Variants in GRIK2 observed in about 807,000 individuals in gnomAD.
GRIK2 encodes the protein glutamate ionotropic receptor kainate type subunit 2, also known as glutamate receptor ionotropic, kainate 2.
A neutral mutation model predicts 100.3 loss-of-function variants in GRIK2; 32 were observed. The observed-to-expected ratio is 0.32, with a 90% CI of 0.24 to 0.43. GRIK2 has a LOEUF of 0.43. Ranked by LOEUF, GRIK2 falls within the 20% of genes least tolerant of loss-of-function variation. GRIK2 has a pLI of 1.00. For missense variants in GRIK2, 843 were observed against 1,114.9 expected, an observed-to-expected ratio of 0.76 and a Z score of 3.47; for synonymous variants, 417 against 389.4, an observed-to-expected ratio of 1.07 and a Z score of -0.83.
rs1238391467 is a variant in GRIK2, at chr6:101,928,571, C to T, written c.2024C>T (p.Ala675Val). The T allele has an allele frequency of 1.9e-6, 3 of 1,608,706 alleles. No homozygotes were observed. The highest frequency in any genetic ancestry group is 2.6e-6 in the Non-Finnish European group (3 of 1,175,130). ...CCTATTGACTCTGCTGATGATTTAG[C>T]TAAACAAACCAAGATAGAATATGGA... is the stretch of plus-strand genomic sequence containing the variant. ...ESPIDSADDL[A>V]KQTKIEYGAV... is the part of the protein sequence containing the mutation. The change falls in exon 14 of 17, where the codon GCT becomes GTT. Residue 675 changes from alanine to valine, a missense_variant. Physicochemically the swap from Ala to Val is moderately conservative, Grantham distance 64. Around this residue, in one of 3 missense-constraint regions of GRIK2, gnomAD observed 237 missense variants for 388.0 expected, o/e 0.61. Coordinates refer to ENST00000369134, the MANE Select transcript of GRIK2 (RefSeq NM_021956.5).
intron 2 of GRIK2, among the ~76,000 whole-genome samples, chr6:101,506,425 TATTTA>T (rs2128276267): frequency 6.6e-6 from 1 of 152,300 alleles, no homozygotes; most frequent in South Asian, 2.1e-4. Context: ...GTGCCAAACA[TATTTA>T]ATTTAAATGG....
At chr6:101,822,103 GAAT>G (rs1241580218) in intron 10 of GRIK2, among the ~76,000 whole-genome samples, 1 of 151,222 alleles carries the variant, frequency 6.6e-6, no homozygotes, top group East Asian at 1.9e-4. Flanking sequence ...AATATGTATT[GAAT>G]AATAATGATA....
rs1228059105 is a variant in GRIK2, at chr6:101,676,896, A to G, written c.723+92A>G. 4.3e-6 allele frequency: 3 copies of G among 700,406 alleles called. No individual in the cohort carries two copies. In the African/African-American group the frequency reaches 5.6e-5, roughly 13 times the overall value. The allele number at this position is 700,406 out of a possible 1,614,324, so 43.4% of individuals were successfully genotyped here. A position where few individuals can be genotyped will look rare whatever the true frequency, so the allele number is the denominator to read the frequency against. The stretch of plus-strand genomic sequence containing the variant: ...TAAATCAAAATATTATTGTTATGCA[A>G]TCAGTTATAATAACCTTGATGTAAT... On this transcript the variant is annotated intron_variant, in intron 5 of 16. Transcript: ENST00000369134.
chr6:101,659,933 T>G (rs1769486747), intron 4 of GRIK2, among the ~76,000 whole-genome samples: 1 of 152,152 alleles, frequency 6.6e-6, no homozygotes, highest in Admixed American at 6.5e-5. Context: ...TTGGTGAATC[T>G]GACGATTATG....
intron 5 of GRIK2, 51 bp from the exon 6 acceptor site, chr6:101,682,502 A>G: frequency 1.2e-6 from 1 of 802,226 alleles, no homozygotes; most frequent in East Asian, 2.5e-5. Context: ...AATTACTGAC[A>G]TACTGTCTTT....
At chr6:102,007,660 A>C (rs1249747018) in intron 14 of GRIK2, among the ~76,000 whole-genome samples, 3 of 152,140 alleles carry the variant, frequency 2.0e-5, no homozygotes, top group African/African-American at 7.2e-5. Context: ...GGAATCAAAA[A>C]TTTTCATATT....
intron 10 of GRIK2, among the ~76,000 whole-genome samples, chr6:101,849,338 C>T (rs532224038): frequency 1.3e-5 from 2 of 152,056 alleles, no homozygotes; most frequent in South Asian, 4.1e-4. Context: ...CATCCTTAAT[C>T]TCCCTTTTAA....
intron 12 of GRIK2, among the ~76,000 whole-genome samples, chr6:101,914,474 T>C (rs1788965702): frequency 6.6e-6 from 1 of 151,488 alleles, no homozygotes; most frequent in Non-Finnish European, 1.5e-5. Context: ...CAAGGGGCTA[T>C]TCCAAGAAAA....
chr6:101,585,098 T>TA (rs1778292593), intron 2 of GRIK2, among the ~76,000 whole-genome samples: 1 of 152,014 alleles, frequency 6.6e-6, no homozygotes, highest in Non-Finnish European at 1.5e-5. Context: ...AGCAAGTTTA[T>TA]AATAATCTCC....
intron 7 of GRIK2, among the ~76,000 whole-genome samples, chr6:101,784,489 G>A (rs1177561489): frequency 6.6e-6 from 1 of 152,180 alleles, no homozygotes; most frequent in Admixed American, 6.5e-5. Context: ...AGACTTTGAG[G>A]GACTGTGGGG....
intron 2 of GRIK2, among the ~76,000 whole-genome samples, chr6:101,493,951 A>T (rs1773279201): frequency 7.3e-6 from 1 of 137,584 alleles, no homozygotes. Context: ...ATTTATATAT[A>T]ATATATATAT....
intron 2 of GRIK2, among the ~76,000 whole-genome samples, chr6:101,541,277 G>A (rs1775969505): frequency 6.6e-6 from 1 of 151,774 alleles, no homozygotes; most frequent in Non-Finnish European, 1.5e-5. Flanking sequence ...GGTTCAGTAA[G>A]AATATTGGCT....
intron 14 of GRIK2, among the ~76,000 whole-genome samples, chr6:101,951,432 G>T (rs1413971): frequency 0.042 from 6,448 of 152,226 alleles, 463 homozygotes; most frequent in African/African-American, 0.15. Flanking sequence ...TTGGTATAAT[G>T]CACAAATGGG....
chr6:101,916,674 T>C (rs1487571052), intron 12 of GRIK2, among the ~76,000 whole-genome samples: 1 of 151,618 alleles, frequency 6.6e-6, no homozygotes, highest in African/African-American at 2.4e-5. Flanking sequence ...ACTTCAGAGA[T>C]ACCTGATTTA....
intron 2 of GRIK2, among the ~76,000 whole-genome samples, chr6:101,534,137 ATT>A (rs35783548): frequency 0.6 from 89,831 of 150,064 alleles, 26,947 homozygotes; most frequent in Middle Eastern, 0.67. Context: ...ACATAGTTTT[ATT>A]TTTTTTTTTT....
At chr6:102,015,259 C>G (rs1237516278) in intron 14 of GRIK2, among the ~76,000 whole-genome samples, 2 of 151,532 alleles carry the variant, frequency 1.3e-5, no homozygotes, top group Non-Finnish European at 2.9e-5. Flanking sequence ...GAATTATAAC[C>G]CCTGCATTTT....
intron 11 of GRIK2, among the ~76,000 whole-genome samples, chr6:101,866,058 C>T (rs1785038379): frequency 1.3e-5 from 2 of 151,888 alleles, no homozygotes; most frequent in East Asian, 1.9e-4. Context: ...TTCCTATGAC[C>T]CCAAAGTGAC....
intron 12 of GRIK2, among the ~76,000 whole-genome samples, chr6:101,916,029 T>C (rs1789082911): frequency 6.6e-6 from 1 of 151,496 alleles, no homozygotes; most frequent in African/African-American, 2.4e-5. Context: ...AAAATAGCAA[T>C]ATTCTATTCC....
intron 2 of GRIK2, among the ~76,000 whole-genome samples, chr6:101,619,894 T>G (rs182433527): frequency 8.9e-4 from 136 of 152,254 alleles, no homozygotes; most frequent in Non-Finnish European, 5.0e-4. Context: ...CTCTATCACT[T>G]GATAGCTATG....
Sources: gnomAD v4.1 joint callset for allele counts (sites outside exome capture counted in the v4.1 genomes callset) on GRCh38, gnomAD v4.1.1 for gene constraint, gnomAD v4.1.1 regional missense constraint, MANE v1.5 for transcripts, NCBI Gene and HGNC (gene_info 2026-07-23, HGNC 2026-07-21) for gene names.